The following ITGA2B variants were observed in gnomAD, a reference collection of about 807,000 sequenced individuals.
The protein encoded by ITGA2B is integrin alpha-IIb.
A neutral mutation model predicts 142.0 loss-of-function variants in ITGA2B; 91 were observed. The ratio of observed to expected loss-of-function variants is 0.64; its 90% CI spans 0.54 to 0.76. ITGA2B has a LOEUF of 0.76. Ranked by LOEUF, ITGA2B falls within the 30% of genes least tolerant of loss-of-function variation. ITGA2B has a pLI of 0.00. For missense variants in ITGA2B, 1,231 were observed against 1,350.8 expected (o/e 0.91, Z 1.39); for synonymous variants, 536 against 567.2 (o/e 0.94, Z 0.78).
intron 26 of ITGA2B, 133 bp downstream of exon 26, chr17:44,375,458 A>T: frequency 9.1e-7 from 1 of 1,094,432 alleles, no homozygotes; most frequent in Non-Finnish European, 1.3e-6. Flanking sequence ...CTCCATGTTC[A>T]CTTGAAGTGC....
intron 12 of ITGA2B, among the ~76,000 whole-genome samples, chr17:44,382,957 C>T (rs1014083346): frequency 6.6e-6 from 1 of 152,084 alleles, no homozygotes; most frequent in Non-Finnish European, 1.5e-5. Flanking sequence ...GGACCTCATC[C>T]ACTTTCCCCA....
At chr17:44,382,364 T>G (rs2048604630) in intron 12 of ITGA2B, among the ~76,000 whole-genome samples, 6 of 152,096 alleles carry the variant, frequency 3.9e-5, no homozygotes, top group Admixed American at 3.9e-4. Context: ...AAGAGCTGTC[T>G]ACATTAGCTG....
intron 1 of ITGA2B, among the ~76,000 whole-genome samples, 199 bp from the exon 2 acceptor site, chr17:44,386,330 G>T (rs1402207459): frequency 6.6e-6 from 1 of 152,230 alleles, no homozygotes; most frequent in Non-Finnish European, 1.5e-5. Flanking sequence ...GGGCAATCAC[G>T]TGGCTAAAGT....
At position 44,379,986 on chromosome 17, in the gene ITGA2B, C is replaced by A. The variant is rs1447494325; in HGVS notation, c.1752+16G>T. On this transcript the variant is annotated intron_variant, in intron 17 of 29. Coordinates refer to ENST00000262407, the MANE Select transcript of ITGA2B (RefSeq NM_000419.5). The stretch of plus-strand genomic sequence containing the variant: ...TTCTACTCTCCCAGCCCTGCCAATC[C>A]CCTGCCTGGGCGTACTCGAAGGAAG... 1.2e-6 allele frequency: 2 copies of A among 1,613,120 alleles called. No homozygotes were observed. Among genetic ancestry groups the A allele is most frequent in the Non-Finnish European group, 1.7e-6 (2 of 1,180,028 alleles).
At chr17:44,373,475 C>T (rs1182980161) in intron 29 of ITGA2B, among the ~76,000 whole-genome samples, 29 of 152,152 alleles carry the variant, frequency 1.9e-4, no homozygotes, top group Admixed American at 1.8e-3. Context: ...CTGCATGACT[C>T]GAGCATATGA....
intron 21 of ITGA2B, among the ~76,000 whole-genome samples, chr17:44,377,357 G>A (rs1334470950): frequency 3.9e-5 from 6 of 151,964 alleles, no homozygotes; most frequent in African/African-American, 1.4e-4. Context: ...CACCATGCCC[G>A]GGTAATTTTT....
intron 24 of ITGA2B, 26 bp from the exon 25 acceptor site, chr17:44,376,011 TG>T (rs1272973064): frequency 1.2e-6 from 2 of 1,613,854 alleles, no homozygotes; most frequent in East Asian, 2.2e-5. Flanking sequence ...TGGCAGGGTG[TG>T]GGGAGCTTAG....
chr17:44,379,912 G>T, intron 17 of ITGA2B, 90 bp downstream of exon 17: 1 of 1,612,410 alleles, frequency 6.2e-7, no homozygotes. Context: ...CGGACTCACA[G>T]CACCCAGCTC....
At chr17:44,385,099 T>A (rs1224414255) in intron 6 of ITGA2B, 23 bp from the exon 7 acceptor site, 1 of 1,613,332 alleles carries the variant, frequency 6.2e-7, no homozygotes, top group African/African-American at 1.3e-5. Flanking sequence ...GGACAGCGGG[T>A]GTGAAGCCCA....
chr17:44,375,607 T>C lies in ITGA2B; in HGVS notation c.2711A>G (p.Gln904Arg), dbSNP rs1383435868. ...CCTGCTCACTACGAGAACTGGATCC[T>C]GAAGCCTCGAGGGCTGCTCGGGCTC... ...LPEPEQPSRL[Q>R]DPVLVSCDSA... The change falls in exon 26 of 30, where the codon CAG becomes CGG. Residue 904 changes from glutamine (Q) to arginine (R), a missense_variant. By Grantham distance (43) the Gln-to-Arg change is conservative. Transcript: ENST00000262407. The C allele has an allele frequency of 6.2e-7, 1 of 1,614,088 alleles. No homozygotes were observed. The highest frequency in any genetic ancestry group is 8.5e-7 in the Non-Finnish European group (1 of 1,180,010).
chr17:44,378,756 G>A, intron 18 of ITGA2B, 46 bp from the exon 19 acceptor site: 1 of 1,523,950 alleles, frequency 6.6e-7, no homozygotes, highest in Non-Finnish European at 8.9e-7. Flanking sequence ...GGATGTGTGA[G>A]GTTTAGGGAT....
At chr17:44,383,074 G>T (rs1371540156) in intron 12 of ITGA2B, among the ~76,000 whole-genome samples, 1 of 152,032 alleles carries the variant, frequency 6.6e-6, no homozygotes, top group Non-Finnish European at 1.5e-5. Context: ...AAGCTCAACA[G>T]GTCCAGAGCT....
At chr17:44,385,383 C>CAGGGGTGAAGGGA in intron 4 of ITGA2B, 48 bp from the exon 5 acceptor site, 1 of 1,584,582 alleles carries the variant, frequency 6.3e-7, no homozygotes, top group South Asian at 1.1e-5. Context: ...AAGGGAGGCG[C>CAGGGGTGAAGGGA]GCGCGAGCCC....
rs989531956 is a variant in ITGA2B at position 44,381,166 on chromosome 17, AG to A, written c.1211-106del. On this transcript the variant is annotated intron_variant, in intron 12 of 29. Coordinates refer to ENST00000262407, the MANE Select transcript of ITGA2B (RefSeq NM_000419.5). The stretch of plus-strand genomic sequence containing the variant: ...TGGGAACATCCCAGGAGACTAGGAA[AG>A]GGGTGCAAAGTGTGGGTGAAGGAGG... 5 of 1,138,014 alleles carry A rather than the reference AG, an allele frequency of 4.4e-6. No individual in the cohort carries two copies. In the African/African-American group the frequency reaches 6.2e-5, roughly 14 times the overall value. The allele number at this position is 1,138,014 out of a possible 1,614,324, so 70.5% of individuals were successfully genotyped here.
chr17:44,386,188 C>T (rs1169778220), intron 1 of ITGA2B, 57 bp from the exon 2 acceptor site: 32 of 1,542,732 alleles, frequency 2.1e-5, no homozygotes, highest in Non-Finnish European at 2.6e-5. Context: ...CAGGCCCTGG[C>T]GCCGGCGCTG....
chr17:44,374,962 GAAGGC>G, intron 27 of ITGA2B, 31 bp downstream of exon 27: 1 of 1,360,122 alleles, frequency 7.4e-7, no homozygotes, highest in Non-Finnish European at 1.0e-6. Context: ...TCCCCGCCCA[GAAGGC>G]CCGGCCCCGC....
At chr17:44,385,233 A>C (rs1397874937) in intron 5 of ITGA2B, 24 bp from the exon 6 acceptor site, 2 of 1,613,928 alleles carry the variant, frequency 1.2e-6, no homozygotes, top group Admixed American at 3.3e-5. Context: ...CCTGAGGGTG[A>C]GAGGGGGCCC....
rs1453564380 is a variant in ITGA2B, at chr17:44,383,955, T to C, written c.946-9A>G. On this transcript the variant is annotated splice_polypyrimidine_tract_variant and intron_variant, in intron 10 of 29. Transcript: ENST00000262407. ...CCAAAATACGACGCCATCTGCAAGATGAGGAGCACCATCATTCACGCCGCT... is the reference window on the plus strand; with the variant it reads ...CCAAAATACGACGCCATCTGCAAGACGAGGAGCACCATCATTCACGCCGCT... The C allele has an allele frequency of 3.1e-6, 5 of 1,614,058 alleles. No individual in the cohort carries two copies. Among genetic ancestry groups the C allele is most frequent in the Non-Finnish European group, 4.2e-6 (5 of 1,180,012 alleles).
rs575971598 is a variant in ITGA2B, at chr17:44,381,121, A to T, written c.1211-60T>A. The T allele has an allele frequency of 1.1e-4, 170 of 1,537,630 alleles. 1 individual carries two copies. The South Asian group carries it at 1.8e-3, about 16-fold the overall frequency. On this transcript the variant is annotated intron_variant, in intron 12 of 29. Transcript: ENST00000262407. ...TTATTCAGCCTCCCTAGATGACTGT[A>T]AAACTTTCCTGAGCTTCTCTGGGAA...
Sources: gnomAD v4.1 joint callset for allele counts (sites outside exome capture counted in the v4.1 genomes callset) on GRCh38, gnomAD v4.1.1 for gene constraint, MANE v1.5 for transcripts, NCBI Gene and HGNC (gene_info 2026-07-23, HGNC 2026-07-21) for gene names.